The following BCORL1 variants were observed in gnomAD, a reference collection of about 807,000 sequenced individuals.
BCORL1 encodes BCL-6 corepressor-like protein 1.
Under a neutral mutation model 87.6 loss-of-function variants are expected in BCORL1, and 7 were observed. The ratio of observed to expected loss-of-function variants is 0.08; its 90% CI spans 0.05 to 0.15. BCORL1 has a LOEUF of 0.15. Among genes scored for constraint, BCORL1 ranks in the 10% least tolerant of loss-of-function variants. The pLI is 1.00. For missense variants in BCORL1, 1,215 were observed against 1,499.7 expected (o/e 0.81, Z 3.13); for synonymous variants, 591 against 634.4 (o/e 0.93, Z 1.03).
rs373673739 is a variant in BCORL1 at position 130,013,757 on chromosome X, G to C, written c.985G>C (p.Val329Leu). The C allele has an allele frequency of 1.0e-4, 119 of 1,181,852 alleles. No individual in the cohort carries two copies. Among genetic ancestry groups the C allele is most frequent in the Non-Finnish European group, 1.3e-4 (113 of 881,837 alleles). Residue 329 changes from valine (V) to leucine (L), a missense_variant, in exon 4 of 14, where the codon GTT becomes CTT. By Grantham distance (32) the Val-to-Leu change is conservative. Transcript: ENST00000540052. ...TGTGCCCCCTTCAGCTCCGACCTTG[G>C]TTCTCGCTCCCGTCCCCACTCCGGT... Reference protein sequence around the residue: ...APVPPSAPTLVLAPVPTPVLA... With the variant: ...APVPPSAPTLLLAPVPTPVLA...
intron 13 of BCORL1, among the ~76,000 whole-genome samples, chrX:130,054,484 A>T (rs1047569627): frequency 1.8e-5 from 2 of 110,354 alleles, no homozygotes; most frequent in African/African-American, 3.3e-5. Flanking sequence ...AAGTAGGGGG[A>T]GTCCTTTATC....
intron 1 of BCORL1, among the ~76,000 whole-genome samples, chrX:130,001,436 A>G (rs1928043066): frequency 8.9e-6 from 1 of 111,946 alleles, no homozygotes; most frequent in Non-Finnish European, 1.9e-5. Context: ...GGGGAGACAA[A>G]CATGCCTTGT....
At chrX:129,981,848 G>A (rs949976179), upstream of BCORL1, 13 of 99,868 alleles carry the variant, frequency 1.3e-4, no homozygotes, top group African/African-American at 4.8e-4. Context: ...TCCGTGTCTT[G>A]GCGGGGAGAG....
Position 130,052,018 on chromosome X carries a change from T to G in BCORL1, c.5075+2T>G. 1 of 1,188,400 alleles carries G rather than the reference T, an allele frequency of 8.4e-7. No homozygotes were observed. Among genetic ancestry groups the G allele is most frequent in the African/African-American group, 1.8e-5 (1 of 57,108 alleles). On this transcript the variant is annotated splice_donor_variant, in intron 13 of 13. Coordinates refer to ENST00000540052, the MANE Select transcript of BCORL1 (RefSeq NM_001379451.1). LOFTEE classifies it high-confidence loss of function. ...CCTCCAAGTGTCAGTGTCCCGCGGG[T>G]AAGTGTCCGAGAGATCCACGGTGAC...
rs1326862230 is a variant in BCORL1, at chrX:130,050,758, G to A, written c.4882G>A (p.Gly1628Ser). ...TCAGGGCCGGGCAGAGGGTGATCCC[G>A]GTGTATCCTGGGATTTTTACAGCAG... ...DLQGRAEGDP[G>S]VSWDFYSSSV... The change falls in exon 12 of 14, where the codon GGT (glycine) becomes AGT (serine). Residue 1628 changes from glycine (G) to serine (S), a missense_variant. Physicochemically the swap from Gly to Ser is moderately conservative, Grantham distance 56. Transcript: ENST00000540052. 4 of 1,208,911 alleles carry A rather than the reference G, an allele frequency of 3.3e-6. No homozygotes were observed. The highest frequency in any genetic ancestry group is 3.0e-5 in the East Asian group (1 of 33,741).
intron 7 of BCORL1, among the ~76,000 whole-genome samples, chrX:130,027,168 C>T (rs1930295754): frequency 8.8e-6 from 1 of 113,054 alleles, no homozygotes; most frequent in Non-Finnish European, 1.9e-5. Context: ...GTTTCTTTGC[C>T]TGTAGCATTG....
intron 1 of BCORL1, among the ~76,000 whole-genome samples, chrX:130,002,197 A>G (rs1928102288): frequency 9.1e-6 from 1 of 109,963 alleles, no homozygotes; most frequent in Admixed American, 9.8e-5. Context: ...ATGAGAACAG[A>G]TAATGAGTAT....
At chrX:129,987,072 G>C (rs2124309188) in intron 1 of BCORL1, among the ~76,000 whole-genome samples, 1 of 111,562 alleles carries the variant, frequency 9.0e-6, no homozygotes, top group Non-Finnish European at 1.9e-5. Context: ...CCCATGTAAG[G>C]GCCAGCTAAG....
At chrX:129,985,444 G>C (rs770478116) in intron 1 of BCORL1, among the ~76,000 whole-genome samples, 19 of 111,528 alleles carry the variant, frequency 1.7e-4, no homozygotes, top group Non-Finnish European at 3.6e-4. Flanking sequence ...ACAGTATGTA[G>C]GAGAGAAATT....
At chrX:130,022,236 CTTTTTTTTTTTTTTTTT>C (rs34598574) in intron 5 of BCORL1, among the ~76,000 whole-genome samples, 17 of 56,335 alleles carry the variant, frequency 3.0e-4, no homozygotes, top group Non-Finnish European at 4.4e-4. Context: ...TTCTTTCTTT[CTTTTTTTTTTTTTTTTT>C]TTTTTTTTTT....
In BCORL1 at chrX:130,013,086, T is replaced by C. The variant is rs1486476200; in HGVS notation, c.314T>C (p.Val105Ala). 8.3e-7 allele frequency: 1 copy of C among 1,208,866 alleles called. No homozygotes were observed. Among genetic ancestry groups the C allele is most frequent in the South Asian group, 1.8e-5 (1 of 56,868 alleles). ...PQPKMDYAGN[V>A]AEAEGLLVPL... Reference sequence around the variant, plus strand: ...CCAAAAATGGACTACGCTGGGAACGTGGCAGAGGCTGAGGGCCTCTTGGTG... The same window carrying C: ...CCAAAAATGGACTACGCTGGGAACGCGGCAGAGGCTGAGGGCCTCTTGGTG... Residue 105 changes from valine (V) to alanine (A), a missense_variant, in exon 4 of 14, where the codon GTG becomes GCG. Around this residue, in one of 5 missense-constraint regions of BCORL1, gnomAD observed 861 missense variants for 1,010.0 expected, o/e 0.85. Coordinates refer to ENST00000540052, the MANE Select transcript of BCORL1 (RefSeq NM_001379451.1).
chrX:130,013,712 T>C lies in BCORL1; in HGVS notation c.940T>C (p.Leu314=), dbSNP rs756273897. The change falls in exon 4 of 14, where the codon TTG becomes CTG. Residue 314 remains leucine, a synonymous_variant. Coordinates refer to ENST00000540052, the MANE Select transcript of BCORL1 (RefSeq NM_001379451.1). ...PLSVPVSAPP[L]ALIQAPVPPS... ...TTCAGTCCCAGTTTCAGCTCCTCCC[T>C]TGGCTCTCATCCAGGCTCCTGTGCC... is the stretch of plus-strand genomic sequence containing the variant. The C allele has an allele frequency of 1.7e-6, 2 of 1,207,146 alleles. No homozygotes were observed. Among genetic ancestry groups the C allele is most frequent in the Non-Finnish European group, 2.2e-6 (2 of 893,242 alleles).
intron 1 of BCORL1, among the ~76,000 whole-genome samples, chrX:129,990,390 C>T (rs2124329142): frequency 9.1e-6 from 1 of 110,113 alleles, no homozygotes; most frequent in East Asian, 2.9e-4. Context: ...CACCACCGTG[C>T]CCGGCTAATT....
upstream of BCORL1, among the ~76,000 whole-genome samples, chrX:129,980,449 G>A (rs1926020430): frequency 8.9e-6 from 1 of 112,375 alleles, no homozygotes; most frequent in Admixed American, 9.3e-5. Flanking sequence ...CGGCGGGGGC[G>A]GGGGGAGGAT....
upstream of BCORL1, among the ~76,000 whole-genome samples, chrX:129,982,118 G>C (rs1040550142): frequency 9.1e-6 from 1 of 110,087 alleles, no homozygotes; most frequent in African/African-American, 3.3e-5. Flanking sequence ...GGTGGAGAAC[G>C]TTGGAAGAAA....
At chrX:130,032,229 A>T (rs779469173) in intron 8 of BCORL1, among the ~76,000 whole-genome samples, 2 of 111,719 alleles carry the variant, frequency 1.8e-5, no homozygotes, top group South Asian at 7.4e-4. Flanking sequence ...GTCTCTCGTG[A>T]GGTTGCAGTC....
In BCORL1 at chrX:130,013,606, G is replaced by A. The variant is rs749026328; in HGVS notation, c.834G>A (p.Ser278=). 2.0e-5 allele frequency: 24 copies of A among 1,208,525 alleles called. No homozygotes were observed. The highest frequency in any genetic ancestry group is 2.3e-4 in the Middle Eastern group (1 of 4,351). ...CTGACTCGAACCCCCTTTCTGTTTC[G>A]GCCTCAGTCTTGGTGCCTGTGCCAG... is the stretch of plus-strand genomic sequence containing the variant. The part of the protein sequence containing the change: ...LISDSNPLSV[S]ASVLVPVPAS... The change falls in exon 4 of 14, where the codon TCG becomes TCA. Residue 278 remains serine (S), a synonymous_variant. Transcript: ENST00000540052.
intron 11 of BCORL1, among the ~76,000 whole-genome samples, chrX:130,049,217 G>A (rs1484735387): frequency 3.6e-5 from 4 of 112,285 alleles, no homozygotes; most frequent in African/African-American, 1.3e-4. Context: ...TTTGAGGAAC[G>A]ACCAAACTTT....
chrX:130,004,241 G>GGTTTT (rs1928292937), intron 1 of BCORL1, among the ~76,000 whole-genome samples: 1 of 85,634 alleles, frequency 1.2e-5, no homozygotes, highest in African/African-American at 4.8e-5. Context: ...GAAATGTGTG[G>GGTTTT]TTTTTTTTTT....
Sources: allele counts gnomAD v4.1 joint callset (sites outside exome capture counted in the v4.1 genomes callset), GRCh38; gene constraint gnomAD v4.1.1; regional missense constraint gnomAD v4.1.1; transcripts MANE v1.5; gene names NCBI Gene and HGNC (gene_info 2026-07-23, HGNC 2026-07-21).